UVRAG: variants seen among roughly 807,000 people sequenced by gnomAD.
The protein encoded by UVRAG is UV radiation resistance-associated gene protein.
In UVRAG, 19 loss-of-function variants were observed where a neutral mutation model predicts 78.0. The observed-to-expected ratio is 0.24, with a 90% CI of 0.17 to 0.36. UVRAG has a LOEUF of 0.36. Among genes scored for constraint, UVRAG ranks in the 10% least tolerant of loss-of-function variants. UVRAG has a pLI of 1.00. For synonymous variants in UVRAG, 323 were observed against 324.6 expected (o/e 1.00, Z 0.05); for missense variants, 740 against 853.8 (o/e 0.87, Z 1.66).
At chr11:75,895,240 T>C (rs550438584) in intron 5 of UVRAG, among the ~76,000 whole-genome samples, 1 of 152,330 alleles carries the variant, frequency 6.6e-6, no homozygotes, top group African/African-American at 2.4e-5. Flanking sequence ...TTTATTATTA[T>C]TGCTGATGAT....
chr11:75,901,348 T>C (rs1187809474), intron 5 of UVRAG, among the ~76,000 whole-genome samples: 2 of 152,170 alleles, frequency 1.3e-5, no homozygotes, highest in Middle Eastern at 3.2e-3. Context: ...AGCTCACTTA[T>C]GGTTTTATGA....
At chr11:76,131,132 A>G (rs1363642190) in intron 14 of UVRAG, among the ~76,000 whole-genome samples, 1 of 152,178 alleles carries the variant, frequency 6.6e-6, no homozygotes, top group Non-Finnish European at 1.5e-5. Context: ...CTGTTTCTAC[A>G]GACCATTTTA....
chr11:75,961,399 T>A, intron 6 of UVRAG, 45 bp from the exon 7 acceptor site: 11 of 1,482,462 alleles, frequency 7.4e-6, no homozygotes, highest in Non-Finnish European at 1.0e-5. Flanking sequence ...CTTTGTTGAG[T>A]TTACTGTTAA....
intron 6 of UVRAG, among the ~76,000 whole-genome samples, chr11:75,912,400 C>T (rs1048270588): frequency 1.3e-5 from 2 of 152,176 alleles, no homozygotes; most frequent in African/African-American, 4.8e-5. Context: ...AGCCCTTCAA[C>T]GGCCCCAAAC....
chr11:75,861,804 CA>C, intron 3 of UVRAG, 24 bp downstream of exon 3: 1 of 1,591,322 alleles, frequency 6.3e-7, no homozygotes, highest in Non-Finnish European at 8.6e-7. Flanking sequence ...CTGACGGGTA[CA>C]TATGACTAAG....
chr11:75,963,705 A>T (rs551127817), intron 7 of UVRAG, among the ~76,000 whole-genome samples: 94 of 152,340 alleles, frequency 6.2e-4, no homozygotes, highest in Non-Finnish European at 1.1e-3. Context: ...ATAGTTGGTG[A>T]CTTTCAAAAA....
chr11:76,053,024 AG>A (rs530109154), intron 12 of UVRAG, among the ~76,000 whole-genome samples: 271 of 150,444 alleles, frequency 1.8e-3, no homozygotes, highest in African/African-American at 6.4e-3. Flanking sequence ...ATAAATATAT[AG>A]CCAGGCACTG....
At chr11:75,984,463 G>T (rs929212303) in intron 8 of UVRAG, among the ~76,000 whole-genome samples, 2 of 152,184 alleles carry the variant, frequency 1.3e-5, no homozygotes, top group African/African-American at 4.8e-5. Context: ...TGATCAGTAG[G>T]TTAGGTGTAT....
At chr11:76,103,957 T>TAA (rs35753390) in intron 13 of UVRAG, among the ~76,000 whole-genome samples, 3 of 145,542 alleles carry the variant, frequency 2.1e-5, no homozygotes, top group Non-Finnish European at 4.6e-5. Context: ...CTTCTCTGAT[T>TAA]AAAAAAAAAA....
intron 6 of UVRAG, among the ~76,000 whole-genome samples, chr11:75,936,715 A>C (rs1365667006): frequency 6.6e-6 from 1 of 152,072 alleles, no homozygotes; most frequent in Non-Finnish European, 1.5e-5. Context: ...TTCTCTAAGG[A>C]GTTTTGTTTT....
chr11:75,833,065 T>G (rs1945696201), intron 1 of UVRAG, among the ~76,000 whole-genome samples: 1 of 152,214 alleles, frequency 6.6e-6, no homozygotes, highest in South Asian at 2.1e-4. Flanking sequence ...ATTTGGACAT[T>G]ATCCTGTAGG....
intron 6 of UVRAG, among the ~76,000 whole-genome samples, chr11:75,953,290 C>G (rs913324893): frequency 6.6e-6 from 1 of 152,094 alleles, no homozygotes; most frequent in Admixed American, 6.5e-5. Context: ...GTGCCATTCA[C>G]CTATTACAAG....
At chr11:75,900,321 T>C (rs1036891045) in intron 5 of UVRAG, among the ~76,000 whole-genome samples, 2 of 152,208 alleles carry the variant, frequency 1.3e-5, no homozygotes, top group Admixed American at 1.3e-4. Flanking sequence ...CCTCACCCCA[T>C]CCTGTAAGTT....
chr11:76,121,990 G>T (rs1310950309), intron 14 of UVRAG, among the ~76,000 whole-genome samples: 1 of 152,092 alleles, frequency 6.6e-6, no homozygotes, highest in East Asian at 1.9e-4. Context: ...TCCCAGCCTG[G>T]CATTACAGAA....
At chr11:76,010,856 G>A (rs1041090106) in intron 11 of UVRAG, among the ~76,000 whole-genome samples, 3 of 152,128 alleles carry the variant, frequency 2.0e-5, no homozygotes, top group Non-Finnish European at 2.9e-5. Context: ...GGGCAGCCAG[G>A]GCCTTGAGGT....
intron 6 of UVRAG, among the ~76,000 whole-genome samples, chr11:75,943,926 A>G (rs1334932816): frequency 1.3e-5 from 2 of 152,134 alleles, no homozygotes; most frequent in Admixed American, 1.3e-4. Context: ...TATCATATTT[A>G]ATAAATCCAT....
chr11:76,079,908 CAG>C (rs1309901226), intron 13 of UVRAG, among the ~76,000 whole-genome samples: 2 of 152,122 alleles, frequency 1.3e-5, no homozygotes, highest in African/African-American at 4.8e-5. Flanking sequence ...GCTGCTATAA[CAG>C]AATATCATGG....
chr11:76,050,140 C>T (rs988281474), intron 12 of UVRAG, among the ~76,000 whole-genome samples: 1 of 152,204 alleles, frequency 6.6e-6, no homozygotes, highest in African/African-American at 2.4e-5. Flanking sequence ...GCTCTACCTG[C>T]TGTTAATCTG....
intron 1 of UVRAG, among the ~76,000 whole-genome samples, chr11:75,830,281 CT>C (rs112644344): frequency 2.0e-5 from 3 of 149,190 alleles, no homozygotes; most frequent in East Asian, 1.9e-4. Flanking sequence ...AGTAAGTATT[CT>C]TTTTTTTTTG....
Sources: gnomAD v4.1 joint callset for allele counts (sites outside exome capture counted in the v4.1 genomes callset) on GRCh38, gnomAD v4.1.1 for gene constraint, MANE v1.5 for transcripts, NCBI Gene and HGNC (gene_info 2026-07-23, HGNC 2026-07-21) for gene names.